The following TOM1L2 variants were observed in gnomAD, a reference collection of about 807,000 sequenced individuals.
TOM1L2 encodes target of myb1 like 2 membrane trafficking protein, also known as TOM1-like protein 2.
Under a neutral mutation model 67.9 loss-of-function variants are expected in TOM1L2, and 31 were observed. The ratio of observed to expected loss-of-function variants is 0.46; its 90% CI spans 0.34 to 0.62. The LOEUF is 0.62. Among genes scored for constraint, TOM1L2 ranks in the 20% least tolerant of loss-of-function variants. TOM1L2 has a pLI of 0.01. For synonymous variants in TOM1L2, 256 were observed against 254.0 expected (o/e 1.01, Z -0.07); for missense variants, 606 against 663.5 (o/e 0.91, Z 0.95).
intron 12 of TOM1L2, among the ~76,000 whole-genome samples, chr17:17,854,744 G>C (rs553685655): frequency 6.6e-6 from 1 of 151,736 alleles, no homozygotes; most frequent in South Asian, 2.1e-4. Flanking sequence ...ATGTTGGCCA[G>C]GCTGATCTCA....
intron 1 of TOM1L2, among the ~76,000 whole-genome samples, chr17:17,970,494 A>G (rs766187358): frequency 3.3e-5 from 5 of 152,166 alleles, no homozygotes; most frequent in Non-Finnish European, 7.3e-5. Context: ...GGCTCCCTCC[A>G]TTAACTGGCT....
intron 7 of TOM1L2, among the ~76,000 whole-genome samples, chr17:17,875,069 C>G (rs1249913640): frequency 6.6e-6 from 1 of 151,988 alleles, no homozygotes; most frequent in African/African-American, 2.4e-5. Context: ...CCAGACTGGC[C>G]AACATGGTGA....
chr17:17,916,451 G>A (rs768903930), intron 1 of TOM1L2, among the ~76,000 whole-genome samples: 3 of 152,070 alleles, frequency 2.0e-5, no homozygotes, highest in African/African-American at 7.2e-5. Flanking sequence ...TTTGCATATG[G>A]TATAAGATAA....
At chr17:17,957,879 C>T (rs141872961) in intron 1 of TOM1L2, among the ~76,000 whole-genome samples, 2,640 of 151,502 alleles carry the variant, frequency 0.017, 85 homozygotes, top group African/African-American at 0.061. Context: ...TCATGAGGTC[C>T]GGAGATCAAG....
intron 1 of TOM1L2, among the ~76,000 whole-genome samples, chr17:17,938,010 A>AT (rs2040578439): frequency 6.6e-6 from 1 of 152,128 alleles, no homozygotes; most frequent in Non-Finnish European, 1.5e-5. Flanking sequence ...CTTGACTGGG[A>AT]TTTTGCCATA....
intron 7 of TOM1L2, 89 bp from the exon 8 acceptor site, chr17:17,869,562 A>G: frequency 2.0e-6 from 3 of 1,469,438 alleles, no homozygotes; most frequent in Non-Finnish European, 2.7e-6. Flanking sequence ...CTGATTCTTA[A>G]AAGTCACAAA....
At chr17:17,970,144 T>TC (rs1267660367) in intron 1 of TOM1L2, among the ~76,000 whole-genome samples, 1 of 151,982 alleles carries the variant, frequency 6.6e-6, no homozygotes, top group Non-Finnish European at 1.5e-5. Context: ...AAACTCCGCC[T>TC]CCCGGGTTCA....
chr17:17,935,900 C>T (rs1197884104), intron 1 of TOM1L2, among the ~76,000 whole-genome samples: 1 of 152,066 alleles, frequency 6.6e-6, no homozygotes, highest in African/African-American at 2.4e-5. Context: ...CTGGTGGTGC[C>T]TGCCTTGTGC....
At chr17:17,949,208 T>C (rs181820601) in intron 1 of TOM1L2, among the ~76,000 whole-genome samples, 2 of 152,348 alleles carry the variant, frequency 1.3e-5, no homozygotes, top group East Asian at 3.9e-4. Flanking sequence ...ACCTTCATCT[T>C]TTCCCAGTGC....
At chr17:17,891,829 G>T (rs968043308) in intron 4 of TOM1L2, among the ~76,000 whole-genome samples, 10 of 151,576 alleles carry the variant, frequency 6.6e-5, no homozygotes, top group Non-Finnish European at 1.0e-4. Context: ...GTCAGAGGGA[G>T]ACAGAGAGAC....
At chr17:17,955,077 G>A (rs2041372088) in intron 1 of TOM1L2, among the ~76,000 whole-genome samples, 1 of 152,192 alleles carries the variant, frequency 6.6e-6, no homozygotes, top group Non-Finnish European at 1.5e-5. Flanking sequence ...GCCATCACAA[G>A]TGACATTTTC....
At chr17:17,928,349 T>C (rs2040182468) in intron 1 of TOM1L2, among the ~76,000 whole-genome samples, 2 of 152,316 alleles carry the variant, frequency 1.3e-5, no homozygotes, top group South Asian at 4.1e-4. Flanking sequence ...GCAAAAACGC[T>C]ACGTGGCTTT....
chr17:17,919,864 C>G (rs185765198), intron 1 of TOM1L2, among the ~76,000 whole-genome samples: 1 of 152,194 alleles, frequency 6.6e-6, no homozygotes, highest in African/African-American at 2.4e-5. Context: ...ATCCCACGCC[C>G]CAGCCGCCAG....
chr17:17,895,133 T>C (rs545898037), intron 3 of TOM1L2, among the ~76,000 whole-genome samples: 2 of 152,276 alleles, frequency 1.3e-5, no homozygotes, highest in South Asian at 4.1e-4. Context: ...AGGACAGGTA[T>C]GTAGCCTCTT....
At chr17:17,929,466 T>C (rs1213294681) in intron 1 of TOM1L2, among the ~76,000 whole-genome samples, 1 of 152,004 alleles carries the variant, frequency 6.6e-6, no homozygotes. Flanking sequence ...ACCCCATCTC[T>C]ACTAAAAATA....
intron 4 of TOM1L2, among the ~76,000 whole-genome samples, chr17:17,890,472 T>C (rs2038219431): frequency 6.6e-6 from 1 of 152,232 alleles, no homozygotes; most frequent in Admixed American, 6.5e-5. Context: ...TAGATGCTCA[T>C]AGCAGCATTT....
chr17:17,853,180 C>T lies in TOM1L2; in HGVS notation c.1279-2228G>A, dbSNP rs924543494. Among the ~76,000 whole-genome samples the T allele has an allele frequency of 5.3e-5, 8 of 152,188 alleles. No homozygotes were observed. In the South Asian group the frequency reaches 1.7e-3, roughly 32 times the overall value. ...TCAGAATGTGTGGCCTCTGGGAGGA[C>T]GCATGCCATGCTGAGTCCCCAAAAC... On this transcript the variant is annotated intron_variant, in intron 12 of 14. Transcript: ENST00000379504.
intron 9 of TOM1L2, 40 bp from the exon 10 acceptor site, chr17:17,866,459 G>C (rs955632070): frequency 1.3e-6 from 2 of 1,542,534 alleles, no homozygotes; most frequent in African/African-American, 2.7e-5. Context: ...CCAGAACCCT[G>C]GAGTCAGGCT....
chr17:17,847,908 G>A (rs1254797152), intron 14 of TOM1L2, 125 bp from the exon 15 acceptor site: 8 of 1,262,932 alleles, frequency 6.3e-6, no homozygotes, highest in African/African-American at 1.5e-5. Flanking sequence ...AGGAGCAGGT[G>A]GGTAGGGAGG....
Sources: allele counts gnomAD v4.1 joint callset (sites outside exome capture counted in the v4.1 genomes callset), GRCh38; gene constraint gnomAD v4.1.1; transcripts MANE v1.5; gene names NCBI Gene and HGNC (gene_info 2026-07-23, HGNC 2026-07-21).